MPHOSPH6: variants seen among roughly 807,000 people sequenced by gnomAD.
MPHOSPH6 encodes the protein M-phase phosphoprotein 6.
MPHOSPH6 carries 25 observed loss-of-function variants against 21.8 expected under a neutral mutation model. That is an observed-to-expected ratio of 1.15 (90% CI 0.83 to 1.60). MPHOSPH6 has a LOEUF of 1.60. MPHOSPH6 is among the 40% of genes most tolerant of loss of function. The probability of loss-of-function intolerance (pLI) is 0.00; values close to 1 mark genes in which losing one functional copy is unlikely to be tolerated. For synonymous variants in MPHOSPH6, 84 were observed against 56.5 expected, an observed-to-expected ratio of 1.49 and a Z score of -2.18; for missense variants, 269 against 181.8, an observed-to-expected ratio of 1.48 and a Z score of -2.76.
Position 82,148,539 on chromosome 16 carries a change from G to A in MPHOSPH6, c.*192C>T, listed in dbSNP as rs911392397. 3.2e-6 allele frequency: 2 copies of A among 629,668 alleles called. No homozygotes were observed. The highest frequency in any genetic ancestry group is 4.9e-6 in the Non-Finnish European group (2 of 410,600). 39.0% of individuals were successfully genotyped at this position (629,668 alleles called of 1,614,324 possible). Reference sequence around the variant, plus strand: ...CAGGGGCTAAAAATCCACTCTGAATGAATACCAAGAAGCAAAGGATGTACA... The same window carrying A: ...CAGGGGCTAAAAATCCACTCTGAATAAATACCAAGAAGCAAAGGATGTACA... On this transcript the variant is annotated 3_prime_UTR_variant, in exon 5 of 5. Coordinates refer to ENST00000258169, the MANE Select transcript of MPHOSPH6 (RefSeq NM_005792.2).
At chr16:82,169,931 G>C (rs968305041) in intron 1 of MPHOSPH6, among the ~76,000 whole-genome samples, 194 bp downstream of exon 1, 2 of 152,196 alleles carry the variant, frequency 1.3e-5, no homozygotes, top group Non-Finnish European at 2.9e-5. Flanking sequence ...CCTCCTGAGA[G>C]AGTCGGCCTA....
chr16:82,151,580 T>C, intron 2 of MPHOSPH6, 66 bp from the exon 3 acceptor site: 2 of 1,479,090 alleles, frequency 1.4e-6, no homozygotes, highest in Non-Finnish European at 1.8e-6. Flanking sequence ...GCCAACACTT[T>C]GAATAAAAAA....
chr16:82,154,614 C>T (rs1169251602), intron 2 of MPHOSPH6, among the ~76,000 whole-genome samples: 7 of 149,808 alleles, frequency 4.7e-5, no homozygotes, highest in Non-Finnish European at 1.0e-4. Flanking sequence ...GAAATAGAGA[C>T]TGCAAAAAAA....
chr16:82,167,212 G>A (rs1211312169), intron 1 of MPHOSPH6, among the ~76,000 whole-genome samples: 2 of 152,088 alleles, frequency 1.3e-5, no homozygotes, highest in Non-Finnish European at 1.5e-5. Context: ...TCACAAATAA[G>A]CACCCTCTAC....
chr16:82,170,084 T>C (rs1288053761), intron 1 of MPHOSPH6, 41 bp downstream of exon 1: 12 of 1,568,674 alleles, frequency 7.6e-6, no homozygotes, highest in Admixed American at 3.7e-5. Context: ...AAGGACCGGG[T>C]GCCCCTACCG....
At chr16:82,163,759 C>A (rs8050837) in intron 2 of MPHOSPH6, 21,160 of 201,054 alleles carry the variant, frequency 0.11, 2,934 homozygotes, top group African/African-American at 0.36. Flanking sequence ...TGAAGTACAC[C>A]CCTAATCTTT....
At chr16:82,163,672 A>C (rs1440789833) in intron 2 of MPHOSPH6, among the ~76,000 whole-genome samples, 1 of 152,256 alleles carries the variant, frequency 6.6e-6, no homozygotes, top group Non-Finnish European at 1.5e-5. Flanking sequence ...AATTTAAAAG[A>C]AGAAACAAAA....
chr16:82,149,015 C>G (rs1906177799), intron 4 of MPHOSPH6, 152 bp from the exon 5 acceptor site: 2 of 1,068,272 alleles, frequency 1.9e-6, no homozygotes, highest in Non-Finnish European at 2.7e-6. Context: ...AATTTATGAA[C>G]TTCTCTAAGA....
At chr16:82,149,795 C>G (rs1007868826) in intron 3 of MPHOSPH6, among the ~76,000 whole-genome samples, 1 of 151,990 alleles carries the variant, frequency 6.6e-6, no homozygotes, top group African/African-American at 2.4e-5. Flanking sequence ...CACTAGTCGT[C>G]AGTAATAATT....
intron 2 of MPHOSPH6, 28 bp downstream of exon 2, chr16:82,164,054 T>A: frequency 6.9e-7 from 1 of 1,448,326 alleles, no homozygotes; most frequent in Non-Finnish European, 9.7e-7. Flanking sequence ...GCCACAAGCA[T>A]CATCAGTATC....
At chr16:82,151,674 A>G (rs1906270004) in intron 2 of MPHOSPH6, among the ~76,000 whole-genome samples, 160 bp from the exon 3 acceptor site, 1 of 152,272 alleles carries the variant, frequency 6.6e-6, no homozygotes, top group Non-Finnish European at 1.5e-5. Context: ...AATCTGATTA[A>G]TTTGGTCAGC....
chr16:82,164,340 G>A (rs1391011375), intron 1 of MPHOSPH6, 146 bp from the exon 2 acceptor site: 4 of 619,528 alleles, frequency 6.5e-6, no homozygotes, highest in Non-Finnish European at 5.6e-6. Flanking sequence ...GTGATCAAAC[G>A]GTTTAGCTCT....
At chr16:82,160,355 G>A (rs1906568661) in intron 2 of MPHOSPH6, among the ~76,000 whole-genome samples, 1 of 152,034 alleles carries the variant, frequency 6.6e-6, no homozygotes, top group Non-Finnish European at 1.5e-5. Context: ...AGAAAAAGCT[G>A]GACTTGCCTA....
At chr16:82,154,206 T>C (rs192385808) in intron 2 of MPHOSPH6, among the ~76,000 whole-genome samples, 7 of 152,322 alleles carry the variant, frequency 4.6e-5, no homozygotes, top group Admixed American at 2.0e-4. Context: ...GAGTTCTGCC[T>C]AGCCAGAGAG....
chr16:82,167,031 G>T (rs563331747), intron 1 of MPHOSPH6, among the ~76,000 whole-genome samples: 2 of 152,148 alleles, frequency 1.3e-5, no homozygotes, highest in African/African-American at 4.8e-5. Context: ...GTCTGTTGTC[G>T]TCGATAAAGT....
At chr16:82,169,038 T>C (rs1326974721) in intron 1 of MPHOSPH6, among the ~76,000 whole-genome samples, 1 of 152,218 alleles carries the variant, frequency 6.6e-6, no homozygotes, top group Non-Finnish European at 1.5e-5. Flanking sequence ...TTACTGCCTG[T>C]AGTCACCTCA....
intron 4 of MPHOSPH6, 149 bp from the exon 5 acceptor site, chr16:82,149,012 G>A (rs1296840187): frequency 9.2e-7 from 1 of 1,087,324 alleles, no homozygotes; most frequent in Non-Finnish European, 1.3e-6. Context: ...AACAATTTAT[G>A]AACTTCTCTA....
At chr16:82,155,819 C>T (rs1173546034) in intron 2 of MPHOSPH6, among the ~76,000 whole-genome samples, 2 of 151,666 alleles carry the variant, frequency 1.3e-5, no homozygotes, top group Non-Finnish European at 2.9e-5. Context: ...GCAGGAGAAT[C>T]GCCTGAACCC....
intron 2 of MPHOSPH6, among the ~76,000 whole-genome samples, chr16:82,160,467 C>G (rs943575985): frequency 6.6e-6 from 1 of 152,184 alleles, no homozygotes; most frequent in Non-Finnish European, 1.5e-5. Flanking sequence ...CCCGGTTGCT[C>G]TGGACTATCT....
Sources: gnomAD v4.1 joint callset for allele counts (sites outside exome capture counted in the v4.1 genomes callset) on GRCh38, gnomAD v4.1.1 for gene constraint, MANE v1.5 for transcripts, NCBI Gene and HGNC (gene_info 2026-07-23, HGNC 2026-07-21) for gene names.